Variants in MAP2K6 observed in about 807,000 individuals in gnomAD.
MAP2K6 encodes mitogen-activated protein kinase kinase 6.
Under a neutral mutation model 53.7 loss-of-function variants are expected in MAP2K6, and 16 were observed. The observed-to-expected ratio is 0.30, with a 90% CI of 0.20 to 0.45. The LOEUF (loss-of-function observed/expected upper bound fraction) is 0.45. Among genes scored for constraint, MAP2K6 ranks in the 20% least tolerant of loss-of-function variants. The pLI is 1.00. For synonymous variants in MAP2K6, 132 were observed against 143.1 expected, an observed-to-expected ratio of 0.92 and a Z score of 0.55; for missense variants, 204 against 411.9, an observed-to-expected ratio of 0.50 and a Z score of 4.37.
chr17:69,448,875 TA>T (rs1907073721), intron 1 of MAP2K6, among the ~76,000 whole-genome samples: 1 of 152,212 alleles, frequency 6.6e-6, no homozygotes, highest in African/African-American at 2.4e-5. Context: ...CTGAAGTTGT[TA>T]AAAATAAAGG....
chr17:69,466,693 G>A (rs746341577), intron 1 of MAP2K6, among the ~76,000 whole-genome samples: 2 of 152,240 alleles, frequency 1.3e-5, no homozygotes, highest in Non-Finnish European at 2.9e-5. Flanking sequence ...TATACTGGGT[G>A]GATGGGTTTA....
chr17:69,518,336 G>A (rs764595228), intron 4 of MAP2K6, among the ~76,000 whole-genome samples: 25 of 152,102 alleles, frequency 1.6e-4, no homozygotes, highest in Non-Finnish European at 2.9e-4. Flanking sequence ...GAAAGTTTAC[G>A]TATTGCATTT....
chr17:69,528,056 C>G (rs1910869797), intron 10 of MAP2K6, among the ~76,000 whole-genome samples: 1 of 145,078 alleles, frequency 6.9e-6, no homozygotes, highest in Non-Finnish European at 1.5e-5. Flanking sequence ...CTGCAGTGAG[C>G]CGAGATCACG....
At chr17:69,532,115 G>T (rs1404686285) in intron 10 of MAP2K6, among the ~76,000 whole-genome samples, 1 of 152,118 alleles carries the variant, frequency 6.6e-6, no homozygotes, top group Non-Finnish European at 1.5e-5. Context: ...AAGGGTAGTG[G>T]AGGCCCACTC....
rs142211031 is a variant in MAP2K6 at position 69,478,762 on chromosome 17, G to A, written c.17-27018G>A. On this transcript the variant is annotated intron_variant, in intron 1 of 11. Coordinates refer to ENST00000590474, the MANE Select transcript of MAP2K6 (RefSeq NM_002758.4). ...TTCAAGGCGTAGTGTATAGTGCCCC[G>A]TGCTAACTAACGTATAGTAAGTACT... Among the ~76,000 whole-genome samples, 6 of 152,230 alleles carry A rather than the reference G, an allele frequency of 3.9e-5. No homozygotes were observed. In the East Asian group the frequency reaches 1.2e-3, roughly 29 times the overall value.
intron 1 of MAP2K6, among the ~76,000 whole-genome samples, chr17:69,448,060 CAG>C (rs1907034364): frequency 6.6e-6 from 1 of 152,118 alleles, no homozygotes; most frequent in South Asian, 2.1e-4. Context: ...GGGACTGAAA[CAG>C]GGAGGCATCT....
At chr17:69,516,544 C>T (rs1291297564) in intron 2 of MAP2K6, among the ~76,000 whole-genome samples, 2 of 152,164 alleles carry the variant, frequency 1.3e-5, no homozygotes, top group East Asian at 3.9e-4. Context: ...TAGATATTTA[C>T]TGTATGCCAG....
intron 1 of MAP2K6, among the ~76,000 whole-genome samples, chr17:69,491,108 T>TTTCCTTCCTTCTTTCCTTCCTTCCTTCC (rs1598287234): frequency 2.7e-5 from 4 of 148,842 alleles, no homozygotes; most frequent in African/African-American, 1.0e-4. Context: ...CATTGTCTTT[T>TTTCCTTCCTTCTTTCCTTCCTTCCTTCC]TTCCTTCCTT....
chr17:69,504,887 G>T (rs1909379777), intron 1 of MAP2K6, among the ~76,000 whole-genome samples: 1 of 152,158 alleles, frequency 6.6e-6, no homozygotes, highest in Admixed American at 6.5e-5. Flanking sequence ...CAGGGAAAAT[G>T]TAAATAAGTA....
intron 1 of MAP2K6, among the ~76,000 whole-genome samples, chr17:69,449,547 T>TTCTTTCTTTG (rs1907114956): frequency 8.8e-5 from 10 of 113,880 alleles, no homozygotes; most frequent in Admixed American, 5.9e-4. Flanking sequence ...CTTTCTTTCT[T>TTCTTTCTTTG]TCTTTCTTTC....
At chr17:69,523,287 A>G (rs965978898) in intron 7 of MAP2K6, among the ~76,000 whole-genome samples, 2 of 152,222 alleles carry the variant, frequency 1.3e-5, no homozygotes, top group Non-Finnish European at 2.9e-5. Flanking sequence ...CTTTGTATGG[A>G]GAAATTCACA....
chr17:69,467,405 T>C (rs1182129544), intron 1 of MAP2K6, among the ~76,000 whole-genome samples: 1 of 152,184 alleles, frequency 6.6e-6, no homozygotes, highest in African/African-American at 2.4e-5. Flanking sequence ...TGTTAGGAAG[T>C]GGGCCATCTG....
chr17:69,540,038 A>G (rs186556723), intron 11 of MAP2K6, among the ~76,000 whole-genome samples: 10 of 152,216 alleles, frequency 6.6e-5, no homozygotes, highest in African/African-American at 2.2e-4. Context: ...TCTCTTTTCC[A>G]TTTTCTGAGT....
intron 1 of MAP2K6, among the ~76,000 whole-genome samples, chr17:69,452,663 A>G (rs970671639): frequency 6.6e-6 from 1 of 152,148 alleles, no homozygotes; most frequent in Admixed American, 6.6e-5. Context: ...AAATAATAAG[A>G]CAGATGAGGG....
At chr17:69,502,395 G>A in intron 1 of MAP2K6, 1 of 985,428 alleles carries the variant, frequency 1.0e-6, no homozygotes, top group Non-Finnish European at 1.2e-6. Context: ...CTCTTACTGT[G>A]CTGCTCTGTC....
chr17:69,455,851 G>GTTTTTTTT (rs11317793), intron 1 of MAP2K6, among the ~76,000 whole-genome samples: 1 of 95,378 alleles, frequency 1.0e-5, no homozygotes. Flanking sequence ...TGGACTTTCA[G>GTTTTTTTT]TTTTTTTTTT....
chr17:69,529,753 G>A (rs552271931), intron 10 of MAP2K6, among the ~76,000 whole-genome samples: 2 of 151,872 alleles, frequency 1.3e-5, no homozygotes, highest in African/African-American at 2.4e-5. Flanking sequence ...CTCGTGATCT[G>A]CCCCGCCTCA....
intron 1 of MAP2K6, among the ~76,000 whole-genome samples, chr17:69,435,836 T>A (rs1906623515): frequency 6.6e-6 from 1 of 151,908 alleles, no homozygotes; most frequent in Non-Finnish European, 1.5e-5. Context: ...CCTGGCTAAT[T>A]TTTATATTTT....
chr17:69,495,006 GAA>G (rs369313832), intron 1 of MAP2K6, among the ~76,000 whole-genome samples: 11 of 139,434 alleles, frequency 7.9e-5, no homozygotes, highest in African/African-American at 2.9e-4. Flanking sequence ...ACTCTGTCTA[GAA>G]AAAAAACCAA....
Sources: gnomAD v4.1 joint callset for allele counts (sites outside exome capture counted in the v4.1 genomes callset) on GRCh38, gnomAD v4.1.1 for gene constraint, MANE v1.5 for transcripts, NCBI Gene and HGNC (gene_info 2026-07-23, HGNC 2026-07-21) for gene names.